The following PRR16 variants were observed in gnomAD, a reference collection of about 807,000 sequenced individuals.
The protein encoded by PRR16 is protein Largen.
PRR16 carries 6 observed loss-of-function variants against 18.2 expected under a neutral mutation model. The observed-to-expected ratio is 0.33, with a 90% confidence interval of 0.18 to 0.65. PRR16 has a LOEUF of 0.65. PRR16 is among the 30% of genes least tolerant of loss of function. The pLI, the probability that PRR16 is intolerant of heterozygous loss-of-function variation, is 0.74. For synonymous variants in PRR16, 151 were observed against 147.8 expected (o/e 1.02, Z -0.16); for missense variants, 412 against 376.6 (o/e 1.09, Z -0.78).
intron 1 of PRR16, among the ~76,000 whole-genome samples, chr5:120,494,985 C>A (rs1750195453): frequency 6.6e-6 from 1 of 152,052 alleles, no homozygotes; most frequent in Admixed American, 6.6e-5. Context: ...GTGTTGATTA[C>A]TGTAGCCACG....
chr5:120,515,530 C>A (rs1750961196), intron 1 of PRR16, among the ~76,000 whole-genome samples: 1 of 152,062 alleles, frequency 6.6e-6, no homozygotes, highest in African/African-American at 2.4e-5. Context: ...TAAAATGTAA[C>A]TGAGCATGGC....
chr5:120,697,978 C>T, the PRR16 span, among the ~76,000 whole-genome samples: 1 of 152,050 alleles, frequency 6.6e-6, no homozygotes, highest in African/African-American at 2.4e-5. Flanking sequence ...GCCATCTGGG[C>T]GTATACGTGC....
chr5:120,540,109 G>T (rs1005528928), intron 1 of PRR16, among the ~76,000 whole-genome samples: 17 of 152,136 alleles, frequency 1.1e-4, no homozygotes, highest in African/African-American at 3.9e-4. Context: ...TGGTTCATTA[G>T]AAGAAAAGAC....
At chr5:120,557,727 A>C (rs544777465) in intron 1 of PRR16, among the ~76,000 whole-genome samples, 2 of 152,020 alleles carry the variant, frequency 1.3e-5, no homozygotes, top group South Asian at 4.1e-4. Context: ...ATTACATTTC[A>C]ATCCATTAAA....
At chr5:120,580,451 ATTTTT>A (rs70985228) in intron 1 of PRR16, among the ~76,000 whole-genome samples, 12 of 119,638 alleles carry the variant, frequency 1.0e-4, no homozygotes, top group Admixed American at 1.8e-4. Flanking sequence ...GGGATTTTGA[ATTTTT>A]TTTTTTTTTT....
At chr5:120,571,665 C>A (rs10045601) in intron 1 of PRR16, among the ~76,000 whole-genome samples, 1 of 152,006 alleles carries the variant, frequency 6.6e-6, no homozygotes, top group Non-Finnish European at 1.5e-5. Context: ...CTAAGAGAGG[C>A]ATGCAGGTAC....
chr5:120,778,947 A>G, the PRR16 span, among the ~76,000 whole-genome samples: 1 of 152,160 alleles, frequency 6.6e-6, no homozygotes. Context: ...AATGGAAATG[A>G]AATGGTTTGA....
chr5:120,481,130 A>G (rs1749596622), intron 1 of PRR16: 1 of 1,163,920 alleles, frequency 8.6e-7, no homozygotes, highest in Non-Finnish European at 1.1e-6. Context: ...TACTTTACCA[A>G]TGTTTTAAAA....
intron 1 of PRR16, among the ~76,000 whole-genome samples, chr5:120,664,743 T>G (rs1756306540): frequency 6.7e-6 from 1 of 148,646 alleles, no homozygotes; most frequent in South Asian, 2.2e-4. Context: ...TTACTGAGAA[T>G]GATGATTTCC....
intron 1 of PRR16, among the ~76,000 whole-genome samples, chr5:120,533,950 T>C (rs981492596): frequency 2.0e-5 from 3 of 152,192 alleles, no homozygotes; most frequent in African/African-American, 7.2e-5. Context: ...TCCTGAGAGA[T>C]TGGAGTTCAA....
At chr5:120,511,663 G>A (rs940564951) in intron 1 of PRR16, among the ~76,000 whole-genome samples, 1 of 152,146 alleles carries the variant, frequency 6.6e-6, no homozygotes, top group African/African-American at 2.4e-5. Context: ...CTCAATTAAT[G>A]TATTTATTTT....
chr5:120,673,339 A>C (rs1320343176), intron 1 of PRR16, among the ~76,000 whole-genome samples: 1 of 152,244 alleles, frequency 6.6e-6, no homozygotes, highest in Admixed American at 6.5e-5. Flanking sequence ...ACGTATTTCA[A>C]GTGCAGCTCA....
chr5:120,746,017 C>G, the PRR16 span, among the ~76,000 whole-genome samples: 1 of 151,832 alleles, frequency 6.6e-6, no homozygotes, highest in Non-Finnish European at 1.5e-5. Context: ...TGGCCTTTAG[C>G]CTTTGCATTC....
intron 1 of PRR16, among the ~76,000 whole-genome samples, chr5:120,596,089 C>G (rs996057148): frequency 1.3e-5 from 2 of 150,602 alleles, no homozygotes; most frequent in African/African-American, 4.9e-5. Flanking sequence ...GTCTCTTCAT[C>G]CATCCATTTA....
Position 120,524,301 on chromosome 5 carries a change from G to A in PRR16, c.159+59656G>A, listed in dbSNP as rs548063369. 4.6e-5 allele frequency among the ~76,000 whole-genome samples: 7 copies of A among 152,196 alleles called. No homozygotes were observed. The South Asian group carries it at 8.3e-4, about 18-fold the overall frequency. On this transcript the variant is annotated intron_variant, in intron 1 of 1. Coordinates refer to ENST00000407149, the MANE Select transcript of PRR16 (RefSeq NM_001300783.2). ...TAGCCGAATTACCATTCTGAAAAATGTTCTTAGTGTATTTAATGCTAATTG... is the reference window on the plus strand; with the variant it reads ...TAGCCGAATTACCATTCTGAAAAATATTCTTAGTGTATTTAATGCTAATTG...
chr5:120,629,477 A>G (rs1754982947), intron 1 of PRR16, among the ~76,000 whole-genome samples: 3 of 152,110 alleles, frequency 2.0e-5, no homozygotes, highest in Non-Finnish European at 2.9e-5. Flanking sequence ...TATTTCTATT[A>G]TGCCTCTTCA....
At chr5:120,588,886 A>T (rs1314543516) in intron 1 of PRR16, among the ~76,000 whole-genome samples, 2 of 152,054 alleles carry the variant, frequency 1.3e-5, no homozygotes, top group Non-Finnish European at 2.9e-5. Flanking sequence ...TAATTTCTCT[A>T]AGTCTCAAAT....
At chr5:120,572,216 C>T (rs1280955373) in intron 1 of PRR16, among the ~76,000 whole-genome samples, 1 of 152,106 alleles carries the variant, frequency 6.6e-6, no homozygotes, top group Admixed American at 6.6e-5. Context: ...ACCCAAATTC[C>T]ATGGCAGGGA....
intron 1 of PRR16, chr5:120,618,615 T>C (rs922225430): frequency 2.3e-6 from 2 of 854,070 alleles, no homozygotes; most frequent in African/African-American, 1.8e-5. Context: ...ACAAAAAAGG[T>C]ATACTGAAAA....
Sources: gnomAD v4.1 joint callset for allele counts (sites outside exome capture counted in the v4.1 genomes callset) on GRCh38, gnomAD v4.1.1 for gene constraint, MANE v1.5 for transcripts, NCBI Gene and HGNC (gene_info 2026-07-23, HGNC 2026-07-21) for gene names.